The following LNP1 variants were observed in gnomAD, a reference collection of about 807,000 sequenced individuals.
LNP1 encodes the protein leukemia NUP98 fusion partner 1.
Under a neutral mutation model 14.5 loss-of-function variants are expected in LNP1, and 12 were observed. The observed-to-expected ratio is 0.83, with a 90% confidence interval of 0.53 to 1.34. The LOEUF (loss-of-function observed/expected upper bound fraction) is 1.34, where lower values mean the gene tolerates loss of function less well. LNP1 is among the 40% of genes most tolerant of loss of function. The probability of loss-of-function intolerance (pLI) is 0.00; values close to 1 mark genes in which losing one functional copy is unlikely to be tolerated. For synonymous variants in LNP1, 75 were observed against 71.4 expected, an observed-to-expected ratio of 1.05 and a Z score of -0.26; for missense variants, 198 against 210.9, an observed-to-expected ratio of 0.94 and a Z score of 0.38.
Position 100,448,802 on chromosome 3 carries a change from C to T in LNP1, c.157-2917C>T, listed in dbSNP as rs111404719. Among the ~76,000 whole-genome samples, 207 of 152,208 alleles carry T rather than the reference C, an allele frequency of 1.4e-3. 2 individuals carry two copies. In the Middle Eastern group the frequency reaches 0.014, roughly 10 times the overall value. On this transcript the variant is annotated intron_variant, in intron 2 of 3. Coordinates refer to ENST00000383693, the MANE Select transcript of LNP1 (RefSeq NM_001085451.2). ...CAGTAGTGAAACACTGTGTACACAA[C>T]ACATAAATACATAGAGGTATTACAG... is the stretch of plus-strand genomic sequence containing the variant.
In LNP1 at chr3:100,401,917, C is replaced by G. The variant is rs1354628099; in HGVS notation, c.-556C>G. 1 of 152,218 alleles carries G rather than the reference C, an allele frequency of 6.6e-6. No homozygotes were observed. The highest frequency in any genetic ancestry group is 2.4e-5 in the African/African-American group (1 of 41,440). 9.4% of individuals were successfully genotyped at this position (152,218 alleles called of 1,614,324 possible). Reference sequence around the variant, plus strand: ...CTGAGTTGGTAGAAATGCGAAGCGTCAGGGTTCCCGCCGGCTTCGAGCCTT... The same window carrying G: ...CTGAGTTGGTAGAAATGCGAAGCGTGAGGGTTCCCGCCGGCTTCGAGCCTT... On this transcript the variant is annotated 5_prime_UTR_variant, in exon 1 of 4. Transcript: ENST00000383693.
At chr3:100,411,916 G>A (rs1707035523) in intron 1 of LNP1, among the ~76,000 whole-genome samples, 1 of 152,104 alleles carries the variant, frequency 6.6e-6, no homozygotes, top group African/African-American at 2.4e-5. Context: ...ATAATAGTTA[G>A]CATATAATAG....
chr3:100,415,212 T>TA (rs1707070278), intron 1 of LNP1, among the ~76,000 whole-genome samples: 1 of 152,294 alleles, frequency 6.6e-6, no homozygotes, highest in Non-Finnish European at 1.5e-5. Flanking sequence ...AGATAAGACA[T>TA]ACTGGGAAAA....
intron 1 of LNP1, among the ~76,000 whole-genome samples, chr3:100,404,106 C>T (rs149101105): frequency 1.9e-3 from 287 of 152,296 alleles, no homozygotes; most frequent in Middle Eastern, 0.017. Context: ...TTATTTGGCA[C>T]CCATTTCATC....
intron 1 of LNP1, among the ~76,000 whole-genome samples, chr3:100,419,512 G>A (rs1293930682): frequency 6.6e-6 from 1 of 152,060 alleles, no homozygotes; most frequent in African/African-American, 2.4e-5. Flanking sequence ...GTGTGTATGT[G>A]TGTGTGTAGT....
intron 2 of LNP1, among the ~76,000 whole-genome samples, chr3:100,450,332 A>AT (rs1346496509): frequency 0.013 from 1,803 of 138,958 alleles, 27 homozygotes; most frequent in African/African-American, 0.032. Context: ...CTGGATGTTA[A>AT]TTTTTTTTTT....
intron 2 of LNP1, among the ~76,000 whole-genome samples, chr3:100,436,282 G>A (rs1417916503): frequency 6.6e-6 from 1 of 152,056 alleles, no homozygotes; most frequent in Non-Finnish European, 1.5e-5. Context: ...CATTAATGCT[G>A]GTCAATTGTT....
At chr3:100,452,205 T>C (rs2148908852) in intron 3 of LNP1, among the ~76,000 whole-genome samples, 1 of 147,866 alleles carries the variant, frequency 6.8e-6, no homozygotes, top group East Asian at 1.9e-4. Flanking sequence ...TTTCTTTCTT[T>C]TTTTTTTTTT....
At chr3:100,436,571 C>G (rs930567688) in intron 2 of LNP1, among the ~76,000 whole-genome samples, 1 of 152,086 alleles carries the variant, frequency 6.6e-6, no homozygotes, top group Non-Finnish European at 1.5e-5. Context: ...TTTCCAGATG[C>G]CTTCAGCTAA....
intron 1 of LNP1, among the ~76,000 whole-genome samples, chr3:100,407,903 T>C (rs1013415048): frequency 6.6e-6 from 1 of 152,220 alleles, no homozygotes; most frequent in Non-Finnish European, 1.5e-5. Flanking sequence ...TTTACATTCA[T>C]TGTATTTTTC....
At chr3:100,440,435 G>C (rs1331877524) in intron 2 of LNP1, among the ~76,000 whole-genome samples, 5 of 152,066 alleles carry the variant, frequency 3.3e-5, no homozygotes, top group Non-Finnish European at 5.9e-5. Context: ...ATTTCTCAAG[G>C]CTTTCTAAGA....
chr3:100,426,518 G>A (rs757237886), intron 1 of LNP1, among the ~76,000 whole-genome samples: 5 of 152,212 alleles, frequency 3.3e-5, no homozygotes, highest in African/African-American at 4.8e-5. Flanking sequence ...CAGATTTAGA[G>A]TCCAATTGAC....
At chr3:100,454,143 C>T (rs1334909294) in intron 3 of LNP1, among the ~76,000 whole-genome samples, 15 of 152,038 alleles carry the variant, frequency 9.9e-5, no homozygotes, top group Admixed American at 9.8e-4. Context: ...CTTTTGGGTT[C>T]CAAGATACTT....
chr3:100,407,244 CACCCTTTA>C (rs1333655293), intron 1 of LNP1, among the ~76,000 whole-genome samples: 1 of 152,206 alleles, frequency 6.6e-6, no homozygotes, highest in Non-Finnish European at 1.5e-5. Flanking sequence ...GCTTGAAGAA[CACCCTTTA>C]GCATTTCTTG....
intron 1 of LNP1, among the ~76,000 whole-genome samples, chr3:100,425,903 A>G (rs1464575510): frequency 6.6e-6 from 1 of 152,224 alleles, no homozygotes; most frequent in African/African-American, 2.4e-5. Context: ...TTATCAATCA[A>G]ACTGCCTAAC....
At position 100,414,483 on chromosome 3, in the gene LNP1, G is replaced by T. The variant is rs1035688904; in HGVS notation, c.-34+12044G>T. Among the ~76,000 whole-genome samples, 112 of 151,972 alleles carry T rather than the reference G, an allele frequency of 7.4e-4. 1 individual carries two copies. The highest frequency in any genetic ancestry group is 4.2e-4 in the South Asian group (2 of 4,806). On this transcript the variant is annotated intron_variant, in intron 1 of 3. Transcript: ENST00000383693. ...AATCGCTTGAACCTGGGAGGCAGAGGTTGCAGTGAGCCGAGATCGCACCGC... is the reference window on the plus strand; with the variant it reads ...AATCGCTTGAACCTGGGAGGCAGAGTTTGCAGTGAGCCGAGATCGCACCGC...
chr3:100,449,852 T>C (rs944079164), intron 2 of LNP1, among the ~76,000 whole-genome samples: 9 of 152,152 alleles, frequency 5.9e-5, no homozygotes, highest in African/African-American at 2.2e-4. Context: ...GTACCAAGTA[T>C]CAAACCAGAA....
intron 1 of LNP1, among the ~76,000 whole-genome samples, chr3:100,402,906 AT>A (rs1268540911): frequency 6.6e-6 from 1 of 152,126 alleles, no homozygotes. Context: ...TTCTTGAAAC[AT>A]TTTTTGGATT....
Position 100,455,944 on chromosome 3 carries a change from A to T in LNP1, c.*18A>T. 6.3e-7 allele frequency: 1 copy of T among 1,588,466 alleles called. No individual in the cohort carries two copies. Among genetic ancestry groups the T allele is most frequent in the Non-Finnish European group, 8.5e-7 (1 of 1,171,370 alleles). On this transcript the variant is annotated 3_prime_UTR_variant, in exon 4 of 4. Transcript: ENST00000383693. ...CTGAATAATACTCTGCTTCTGCCTC[A>T]TGACATCAGATGCTACTGTTTTGGT...
Sources: allele counts gnomAD v4.1 joint callset (sites outside exome capture counted in the v4.1 genomes callset), GRCh38; gene constraint gnomAD v4.1.1; transcripts MANE v1.5; gene names NCBI Gene and HGNC (gene_info 2026-07-23, HGNC 2026-07-21).